GPC6: variants seen among roughly 807,000 people sequenced by gnomAD.
The protein encoded by GPC6 is glypican-6.
A neutral mutation model predicts 55.2 loss-of-function variants in GPC6; 14 were observed. The ratio of observed to expected loss-of-function variants is 0.25; its 90% CI spans 0.17 to 0.40. GPC6 has a LOEUF of 0.40. GPC6 is among the 10% of genes least tolerant of loss of function. The probability of loss-of-function intolerance (pLI) is 1.00; values close to 1 mark genes in which losing one functional copy is unlikely to be tolerated. For synonymous variants in GPC6, 278 were observed against 259.6 expected (o/e 1.07, Z -0.68); for missense variants, 641 against 708.5 (o/e 0.90, Z 1.08).
chr13:94,229,743 T>C (rs1039284377), intron 4 of GPC6, among the ~76,000 whole-genome samples: 1 of 152,084 alleles, frequency 6.6e-6, no homozygotes, highest in African/African-American at 2.4e-5. Flanking sequence ...AAAGCAGAGA[T>C]AAAAAGAGTG....
intron 2 of GPC6, among the ~76,000 whole-genome samples, chr13:93,560,578 G>A (rs538675921): frequency 1.3e-5 from 2 of 151,564 alleles, no homozygotes; most frequent in East Asian, 3.9e-4. Context: ...TACCTTGGCC[G>A]GGAGCGGTGG....
intron 3 of GPC6, among the ~76,000 whole-genome samples, chr13:93,957,248 GTTATTT>G (rs905881410): frequency 1.2e-4 from 18 of 152,098 alleles, no homozygotes; most frequent in African/African-American, 4.3e-4. Flanking sequence ...TGCTTTTATT[GTTATTT>G]TTAATTTCCA....
intron 1 of GPC6, among the ~76,000 whole-genome samples, chr13:93,264,003 T>C (rs1253086823): frequency 6.6e-6 from 1 of 152,094 alleles, no homozygotes; most frequent in East Asian, 1.9e-4. Context: ...ACGGTATCTG[T>C]GGATGGAGTT....
rs10573990 is a variant in GPC6, at chr13:93,613,530, A to AACACAC, written c.319+68137_319+68142dup. Among the ~76,000 whole-genome samples, 875 of 139,986 alleles carry AACACAC rather than the reference A, an allele frequency of 6.3e-3. 12 individuals carry two copies. Among genetic ancestry groups the AACACAC allele is most frequent in the East Asian group, 0.041 (201 of 4,872 alleles). 91.8% of individuals were successfully genotyped at this position (139,986 alleles called of 152,430 possible). ...AGCAAACACACACACACACACACAAAACACACACACACACACACACACACA... is the reference window on the plus strand; with the variant it reads ...AGCAAACACACACACACACACACAAAACACACACACACACACACACACACACACACA... On this transcript the variant is annotated intron_variant, in intron 2 of 8. Coordinates refer to ENST00000377047, the MANE Select transcript of GPC6 (RefSeq NM_005708.5).
At chr13:94,178,012 C>T (rs1013694618) in intron 4 of GPC6, among the ~76,000 whole-genome samples, 2 of 132,834 alleles carry the variant, frequency 1.5e-5, no homozygotes, top group African/African-American at 6.4e-5. Context: ...CATTCTTTTT[C>T]AGTGGCCTTT....
intron 3 of GPC6, among the ~76,000 whole-genome samples, chr13:94,026,326 A>G (rs1434998697): frequency 6.6e-6 from 1 of 152,148 alleles, no homozygotes; most frequent in Non-Finnish European, 1.5e-5. Flanking sequence ...ATAGTAATTG[A>G]AAGTATCCAT....
chr13:94,239,671 C>T lies in GPC6; in HGVS notation c.878-46678C>T, dbSNP rs566184098. ...TATGTGAATTATGAATTTATTCTTGCGAAATGATAGTTTCCTGGGAATCTT... is the reference window on the plus strand; with the variant it reads ...TATGTGAATTATGAATTTATTCTTGTGAAATGATAGTTTCCTGGGAATCTT... On this transcript the variant is annotated intron_variant, in intron 4 of 8. Coordinates refer to ENST00000377047, the MANE Select transcript of GPC6 (RefSeq NM_005708.5). 9.9e-5 allele frequency among the ~76,000 whole-genome samples: 15 copies of T among 152,138 alleles called. No individual in the cohort carries two copies. In the South Asian group the frequency reaches 1.2e-3, roughly 13 times the overall value.
At chr13:93,380,865 G>A (rs1875137763) in intron 1 of GPC6, among the ~76,000 whole-genome samples, 1 of 152,094 alleles carries the variant, frequency 6.6e-6, no homozygotes, top group African/African-American at 2.4e-5. Flanking sequence ...TATTCAATCA[G>A]CAGGTATTTA....
chr13:93,817,893 G>T (rs1594483295), intron 2 of GPC6, among the ~76,000 whole-genome samples: 1 of 124,628 alleles, frequency 8.0e-6, no homozygotes, highest in Non-Finnish European at 1.7e-5. Context: ...TAGATAGATA[G>T]ATATAAATTT....
intron 4 of GPC6, among the ~76,000 whole-genome samples, chr13:94,142,784 T>C (rs1887428578): frequency 1.3e-5 from 2 of 151,802 alleles, no homozygotes; most frequent in African/African-American, 4.8e-5. Flanking sequence ...AAAATGTATA[T>C]ATAGGAGAGA....
intron 4 of GPC6, among the ~76,000 whole-genome samples, chr13:94,139,520 T>C (rs1054612794): frequency 9.9e-5 from 15 of 152,194 alleles, no homozygotes; most frequent in African/African-American, 3.6e-4. Flanking sequence ...ATCTGCCAAG[T>C]ATCTTGTAGA....
At chr13:94,036,532 C>T (rs938828346) in intron 4 of GPC6, among the ~76,000 whole-genome samples, 18 of 151,848 alleles carry the variant, frequency 1.2e-4, no homozygotes, top group Non-Finnish European at 2.4e-4. Flanking sequence ...AATTAGATGC[C>T]AAATAAGGCT....
chr13:93,276,164 G>A (rs1203173218), intron 1 of GPC6, among the ~76,000 whole-genome samples: 2 of 152,142 alleles, frequency 1.3e-5, no homozygotes, highest in Non-Finnish European at 2.9e-5. Flanking sequence ...GTGAGCCACC[G>A]CGCCCAGCGA....
intron 4 of GPC6, among the ~76,000 whole-genome samples, chr13:94,085,812 T>C (rs1255224176): frequency 6.6e-6 from 1 of 152,194 alleles, no homozygotes; most frequent in African/African-American, 2.4e-5. Flanking sequence ...TTACTATATA[T>C]GTTGCTCTAC....
intron 2 of GPC6, among the ~76,000 whole-genome samples, chr13:93,586,681 A>G (rs1399366679): frequency 6.6e-6 from 1 of 152,194 alleles, no homozygotes; most frequent in Non-Finnish European, 1.5e-5. Flanking sequence ...CAACCTATAC[A>G]ATACCTGTCA....
intron 4 of GPC6, among the ~76,000 whole-genome samples, chr13:94,224,920 A>G (rs1455593373): frequency 6.6e-6 from 1 of 152,108 alleles, no homozygotes. Context: ...CGTACTGGTA[A>G]AGGCATGCTT....
At chr13:93,623,455 CTTTTTTTTTTT>C (rs567830011) in intron 2 of GPC6, among the ~76,000 whole-genome samples, 1 of 116,170 alleles carries the variant, frequency 8.6e-6, no homozygotes, top group East Asian at 2.4e-4. Flanking sequence ...CTTTTCTTTT[CTTTTTTTTTTT>C]TTTTTTTTTT....
At chr13:93,957,433 T>C (rs1275430851) in intron 3 of GPC6, among the ~76,000 whole-genome samples, 1 of 152,174 alleles carries the variant, frequency 6.6e-6, no homozygotes, top group Non-Finnish European at 1.5e-5. Context: ...TGTCCATGTG[T>C]GCCCAATGTT....
At chr13:94,114,096 CAAAAAAAAAA>C (rs10581935) in intron 4 of GPC6, among the ~76,000 whole-genome samples, 7 of 34,384 alleles carry the variant, frequency 2.0e-4, no homozygotes, top group South Asian at 2.9e-3. Flanking sequence ...TTAGCTTTAT[CAAAAAAAAAA>C]AAAAAAAAAA....
Sources: gnomAD v4.1 joint callset for allele counts (sites outside exome capture counted in the v4.1 genomes callset) on GRCh38, gnomAD v4.1.1 for gene constraint, MANE v1.5 for transcripts, NCBI Gene and HGNC (gene_info 2026-07-23, HGNC 2026-07-21) for gene names.